The following MAPKAP1 variants were observed in gnomAD, a reference collection of about 807,000 sequenced individuals.
The protein encoded by MAPKAP1 is target of rapamycin complex 2 subunit MAPKAP1.
MAPKAP1 carries 20 observed loss-of-function variants against 65.7 expected under a neutral mutation model. The observed-to-expected ratio is 0.30, with a 90% confidence interval of 0.21 to 0.44. The LOEUF (loss-of-function observed/expected upper bound fraction) is 0.44. Ranked by LOEUF, MAPKAP1 falls within the 20% of genes least tolerant of loss-of-function variation. The pLI, the probability that MAPKAP1 is intolerant of heterozygous loss-of-function variation, is 1.00. For synonymous variants in MAPKAP1, 222 were observed against 244.3 expected (o/e 0.91, Z 0.85); for missense variants, 423 against 648.0 (o/e 0.65, Z 3.77).
At chr9:125,478,390 C>T (rs1244096384) in intron 9 of MAPKAP1, among the ~76,000 whole-genome samples, 1 of 152,120 alleles carries the variant, frequency 6.6e-6, no homozygotes. Context: ...TACAATGGCA[C>T]GATCCTAGCT....
At chr9:125,639,452 G>GCT (rs1485266555) in intron 4 of MAPKAP1, among the ~76,000 whole-genome samples, 1 of 152,186 alleles carries the variant, frequency 6.6e-6, no homozygotes, top group African/African-American at 2.4e-5. Flanking sequence ...AAAGCACTCA[G>GCT]AATTGTGCCT....
chr9:125,511,164 C>CCATCATCATCATCAT (rs3051230), intron 7 of MAPKAP1, among the ~76,000 whole-genome samples: 1 of 146,968 alleles, frequency 6.8e-6, no homozygotes, highest in African/African-American at 2.5e-5. Flanking sequence ...ATCATCATCA[C>CCATCATCATCATCAT]CATCATCATC....
chr9:125,614,974 A>G (rs1261744290), intron 4 of MAPKAP1, among the ~76,000 whole-genome samples: 1 of 152,192 alleles, frequency 6.6e-6, no homozygotes, highest in Non-Finnish European at 1.5e-5. Context: ...AAATAAAACT[A>G]TCATTATTTG....
intron 6 of MAPKAP1, among the ~76,000 whole-genome samples, chr9:125,546,378 C>T (rs938996339): frequency 6.6e-6 from 1 of 152,186 alleles, no homozygotes; most frequent in Admixed American, 6.5e-5. Flanking sequence ...TGTTCCACGT[C>T]TACAGCGCTT....
chr9:125,650,019 G>C (rs772970574), intron 4 of MAPKAP1, among the ~76,000 whole-genome samples: 2 of 151,994 alleles, frequency 1.3e-5, no homozygotes, highest in Non-Finnish European at 2.9e-5. Context: ...TCCACAAGCC[G>C]GACACGGACC....
At chr9:125,693,424 A>T (rs200971109) in intron 1 of MAPKAP1, among the ~76,000 whole-genome samples, 1,916 of 136,452 alleles carry the variant, frequency 0.014, 48 homozygotes, top group African/African-American at 0.053. Flanking sequence ...CAAAAAAAAA[A>T]AAATATATAT....
At chr9:125,565,412 A>G (rs1025779681) in intron 5 of MAPKAP1, 2 of 167,768 alleles carry the variant, frequency 1.2e-5, no homozygotes, top group African/African-American at 4.8e-5. Context: ...TGTAAAACAC[A>G]CTTAAGTATG....
chr9:125,563,094 C>T (rs1830940349), intron 5 of MAPKAP1, among the ~76,000 whole-genome samples: 1 of 152,204 alleles, frequency 6.6e-6, no homozygotes, highest in African/African-American at 2.4e-5. Flanking sequence ...AGAGGGATAA[C>T]ATGCTCATGA....
intron 8 of MAPKAP1, among the ~76,000 whole-genome samples, chr9:125,489,624 G>A (rs751139632): frequency 4.6e-5 from 7 of 152,094 alleles, no homozygotes; most frequent in Non-Finnish European, 1.0e-4. Context: ...AGCAGCTTAA[G>A]TCTCGGGAAT....
At chr9:125,637,017 C>G (rs1434547101) in intron 4 of MAPKAP1, among the ~76,000 whole-genome samples, 1 of 152,094 alleles carries the variant, frequency 6.6e-6, no homozygotes, top group African/African-American at 2.4e-5. Flanking sequence ...GCTTGTAATC[C>G]CAGCATTTTG....
chr9:125,513,851 A>T (rs1829381911), intron 7 of MAPKAP1, among the ~76,000 whole-genome samples: 1 of 152,194 alleles, frequency 6.6e-6, no homozygotes, highest in African/African-American at 2.4e-5. Context: ...GTAGGGGTGC[A>T]GGGTGCATAT....
At chr9:125,693,656 C>CACACACAT (rs1219624556) in intron 1 of MAPKAP1, among the ~76,000 whole-genome samples, 1 of 128,834 alleles carries the variant, frequency 7.8e-6, no homozygotes, top group Admixed American at 8.2e-5. Flanking sequence ...TACACGTATA[C>CACACACAT]ATACACACAC....
intron 4 of MAPKAP1, among the ~76,000 whole-genome samples, chr9:125,594,562 C>T (rs534780739): frequency 5.6e-4 from 86 of 152,350 alleles, no homozygotes; most frequent in African/African-American, 1.7e-3. Flanking sequence ...CATAGCTCTT[C>T]TTCTGTCCTT....
At chr9:125,451,851 C>T (rs1338042147) in intron 10 of MAPKAP1, among the ~76,000 whole-genome samples, 2 of 151,300 alleles carry the variant, frequency 1.3e-5, no homozygotes, top group African/African-American at 4.9e-5. Flanking sequence ...GCTCTATCCC[C>T]CAGGGTGGAG....
intron 9 of MAPKAP1, among the ~76,000 whole-genome samples, chr9:125,474,129 AAGG>A (rs1311245502): frequency 4.6e-5 from 7 of 152,078 alleles, no homozygotes; most frequent in Non-Finnish European, 7.4e-5. Flanking sequence ...GAGCCACGAG[AAGG>A]AGGTGAATAA....
At chr9:125,701,702 T>C (rs1271829431) in intron 1 of MAPKAP1, among the ~76,000 whole-genome samples, 1 of 152,192 alleles carries the variant, frequency 6.6e-6, no homozygotes, top group Non-Finnish European at 1.5e-5. Context: ...ACAAGAGCAT[T>C]TAACAAATTT....
rs1271105647 is a variant in MAPKAP1, at chr9:125,477,558, G to A, written c.1207+6885C>T. On this transcript the variant is annotated intron_variant, in intron 9 of 11. Transcript: ENST00000265960. The stretch of plus-strand genomic sequence containing the variant: ...TCAGGGTCAGACCCACTGCCCCGAG[G>A]TGCTCTGCATATAAGAGGTGTTCAC... Among the ~76,000 whole-genome samples, 3 of 152,208 alleles carry A rather than the reference G, an allele frequency of 2.0e-5. No individual in the cohort carries two copies. The East Asian group carries it at 5.8e-4, about 29-fold the overall frequency.
At chr9:125,565,905 T>C (rs1018664936) in intron 5 of MAPKAP1, among the ~76,000 whole-genome samples, 2 of 152,142 alleles carry the variant, frequency 1.3e-5, no homozygotes, top group African/African-American at 2.4e-5. Flanking sequence ...TGACTAGCAA[T>C]TGGGAAATGT....
chr9:125,592,200 G>C (rs2131592469), intron 4 of MAPKAP1, among the ~76,000 whole-genome samples: 1 of 152,250 alleles, frequency 6.6e-6, no homozygotes, highest in Non-Finnish European at 1.5e-5. Flanking sequence ...TTTAAGAAGG[G>C]GAAAGTCCAG....
Sources: allele counts gnomAD v4.1 joint callset (sites outside exome capture counted in the v4.1 genomes callset), GRCh38; gene constraint gnomAD v4.1.1; transcripts MANE v1.5; gene names NCBI Gene and HGNC (gene_info 2026-07-23, HGNC 2026-07-21).